The following ARHGAP42 variants were observed in gnomAD, a reference collection of about 807,000 sequenced individuals.
ARHGAP42 encodes Rho GTPase activating protein 42, also known as rho GTPase-activating protein 42.
A neutral mutation model predicts 125.0 loss-of-function variants in ARHGAP42; 63 were observed. The observed-to-expected ratio is 0.50, with a 90% CI of 0.41 to 0.62. The LOEUF is 0.62. Ranked by LOEUF, ARHGAP42 falls within the 20% of genes least tolerant of loss-of-function variation. ARHGAP42 has a pLI of 0.00. For synonymous variants in ARHGAP42, 339 were observed against 351.0 expected (o/e 0.97, Z 0.38); for missense variants, 766 against 1,024.2 (o/e 0.75, Z 3.44).
At chr11:100,923,213 C>A (rs1867328576) in intron 6 of ARHGAP42, among the ~76,000 whole-genome samples, 1 of 152,176 alleles carries the variant, frequency 6.6e-6, no homozygotes, top group African/African-American at 2.4e-5. Context: ...TGAAGCCTCG[C>A]TTCTTGCTAG....
intron 3 of ARHGAP42, among the ~76,000 whole-genome samples, chr11:100,796,192 T>C (rs754353129): frequency 1.3e-5 from 2 of 152,222 alleles, no homozygotes; most frequent in Non-Finnish European, 1.5e-5. Flanking sequence ...TCAAATTTTT[T>C]CATTAGTGTT....
At chr11:100,813,089 G>A (rs552011731) in intron 3 of ARHGAP42, among the ~76,000 whole-genome samples, 1 of 152,112 alleles carries the variant, frequency 6.6e-6, no homozygotes, top group Non-Finnish European at 1.5e-5. Flanking sequence ...TTTTGCAGGT[G>A]ATACTAAGAG....
intron 2 of ARHGAP42, 144 bp from the exon 3 acceptor site, chr11:100,794,961 G>T: frequency 5.7e-6 from 3 of 524,416 alleles, no homozygotes; most frequent in Non-Finnish European, 6.4e-6. Flanking sequence ...TAAAATCACA[G>T]AATATAGTAT....
At chr11:100,851,264 T>G (rs930099220) in intron 3 of ARHGAP42, among the ~76,000 whole-genome samples, 1 of 152,186 alleles carries the variant, frequency 6.6e-6, no homozygotes, top group African/African-American at 2.4e-5. Context: ...TCACAAAATG[T>G]TAGCTATAAA....
chr11:100,965,424 G>A (rs546472410), intron 16 of ARHGAP42, among the ~76,000 whole-genome samples: 15 of 152,254 alleles, frequency 9.9e-5, no homozygotes, highest in Admixed American at 9.2e-4. Context: ...CAGTTCAGTG[G>A]CTAAGAGCAT....
chr11:100,849,739 A>C (rs992058477), intron 3 of ARHGAP42, among the ~76,000 whole-genome samples: 2 of 152,180 alleles, frequency 1.3e-5, no homozygotes, highest in Non-Finnish European at 2.9e-5. Context: ...GCTAGTTTAT[A>C]GTAAAGATAT....
intron 1 of ARHGAP42, among the ~76,000 whole-genome samples, chr11:100,730,550 C>T (rs945194959): frequency 2.0e-5 from 3 of 152,170 alleles, no homozygotes; most frequent in African/African-American, 4.8e-5. Flanking sequence ...TTCCTTCTTT[C>T]GCAAGGGCTA....
At chr11:100,714,303 C>T (rs1053249201) in intron 1 of ARHGAP42, among the ~76,000 whole-genome samples, 4 of 152,050 alleles carry the variant, frequency 2.6e-5, no homozygotes, top group African/African-American at 9.7e-5. Context: ...TTTCATATTC[C>T]TAATTCTACT....
chr11:100,966,602 T>C (rs886343302), intron 17 of ARHGAP42, among the ~76,000 whole-genome samples: 2 of 152,196 alleles, frequency 1.3e-5, no homozygotes, highest in African/African-American at 2.4e-5. Flanking sequence ...CTCATTTAAA[T>C]GATGATGTCA....
rs1857642073 is a variant in ARHGAP42, at chr11:100,951,311, TTAGTA to T, written c.1162+1358_1162+1362del. On this transcript the variant is annotated intron_variant, in intron 12 of 23. Transcript: ENST00000298815. The stretch of plus-strand genomic sequence containing the variant: ...TCCTTATTGGAATCAAGGAAAGTGA[TTAGTA>T]TAAAATCCTTTATTGCCAACTTTTA... Among the ~76,000 whole-genome samples, 4 of 152,272 alleles carry T rather than the reference TTAGTA, an allele frequency of 2.6e-5. 1 individual carries two copies. The South Asian group carries it at 8.3e-4, about 32-fold the overall frequency.
chr11:100,692,251 A>G (rs1861203478), intron 1 of ARHGAP42, among the ~76,000 whole-genome samples: 1 of 152,068 alleles, frequency 6.6e-6, no homozygotes, highest in Admixed American at 6.5e-5. Flanking sequence ...ACTCTTGTAT[A>G]CATTTAATTA....
chr11:100,979,110 T>C, intron 22 of ARHGAP42, 61 bp downstream of exon 22: 1 of 1,482,158 alleles, frequency 6.7e-7, no homozygotes, highest in Non-Finnish European at 9.2e-7. Context: ...TGCTTTGTAT[T>C]GACATGACAC....
At chr11:100,696,365 T>G (rs2120183470) in intron 1 of ARHGAP42, among the ~76,000 whole-genome samples, 1 of 152,330 alleles carries the variant, frequency 6.6e-6, no homozygotes, top group East Asian at 1.9e-4. Flanking sequence ...TCTATTTATT[T>G]TTTTTGAAGC....
intron 1 of ARHGAP42, among the ~76,000 whole-genome samples, chr11:100,723,360 A>C (rs1018132147): frequency 6.6e-6 from 1 of 152,228 alleles, no homozygotes; most frequent in African/African-American, 2.4e-5. Context: ...TCTATAGATC[A>C]AGTTGGGAAG....
intron 6 of ARHGAP42, among the ~76,000 whole-genome samples, chr11:100,925,758 A>G (rs958815735): frequency 2.0e-5 from 3 of 152,180 alleles, no homozygotes; most frequent in African/African-American, 7.2e-5. Context: ...ATAAAAATTA[A>G]ATATATTTAC....
At chr11:100,746,401 A>T in intron 1 of ARHGAP42, among the ~76,000 whole-genome samples, 1 of 152,228 alleles carries the variant, frequency 6.6e-6, no homozygotes, top group East Asian at 1.9e-4. Context: ...AAGAGCTACC[A>T]TGCAGCCCAC....
intron 10 of ARHGAP42, among the ~76,000 whole-genome samples, chr11:100,944,181 A>G (rs1867956644): frequency 6.6e-6 from 1 of 152,028 alleles, no homozygotes; most frequent in Non-Finnish European, 1.5e-5. Context: ...GGCATATTTC[A>G]TGGCTCCAGG....
chr11:100,913,764 A>G (rs1158062878), intron 5 of ARHGAP42, among the ~76,000 whole-genome samples: 1 of 151,842 alleles, frequency 6.6e-6, no homozygotes, highest in African/African-American at 2.4e-5. Context: ...ACAATGAGAA[A>G]GGTTGAAACA....
chr11:100,992,791 G>T lies in ARHGAP42; in HGVS notation c.*3990G>T, dbSNP rs1858874886. The T allele has an allele frequency of 6.4e-6, 9 of 1,401,740 alleles. No homozygotes were observed. The highest frequency in any genetic ancestry group is 8.7e-6 in the Non-Finnish European group (9 of 1,033,116). 86.8% of individuals were successfully genotyped at this position (1,401,740 alleles called of 1,614,324 possible). On this transcript the variant is annotated 3_prime_UTR_variant, in exon 24 of 24. Coordinates refer to ENST00000298815, the MANE Select transcript of ARHGAP42 (RefSeq NM_152432.4). ...GTTTTAAATAAAGAATCTTACATAA[G>T]AATGTTGACAACATTCACAGTAAGC...
Sources: allele counts gnomAD v4.1 joint callset (sites outside exome capture counted in the v4.1 genomes callset), GRCh38; gene constraint gnomAD v4.1.1; transcripts MANE v1.5; gene names NCBI Gene and HGNC (gene_info 2026-07-23, HGNC 2026-07-21).